The following ZNF385D variants were observed in gnomAD, a reference collection of about 807,000 sequenced individuals.
ZNF385D encodes the protein zinc finger protein 385D, also known as zinc finger protein 659.
A neutral mutation model predicts 35.8 loss-of-function variants in ZNF385D; 15 were observed. The observed-to-expected ratio is 0.42, with a 90% CI of 0.28 to 0.64. The LOEUF (loss-of-function observed/expected upper bound fraction) is 0.64. ZNF385D is among the 30% of genes least tolerant of loss of function. ZNF385D has a pLI of 0.23. For synonymous variants in ZNF385D, 212 were observed against 186.8 expected (o/e 1.13, Z -1.10); for missense variants, 474 against 494.6 (o/e 0.96, Z 0.39).
chr3:22,062,015 A>G (rs1699712635), intron 3 of ZNF385D, among the ~76,000 whole-genome samples: 1 of 152,154 alleles, frequency 6.6e-6, no homozygotes. Context: ...AATTTTAAAC[A>G]TGGAAATGCT....
At chr3:21,957,912 T>A in intron 3 of ZNF385D, among the ~76,000 whole-genome samples, 1 of 152,154 alleles carries the variant, frequency 6.6e-6, no homozygotes, top group East Asian at 1.9e-4. Context: ...GTTTCATCAA[T>A]GTACTAATGT....
At chr3:22,182,055 A>C (rs999754641) in intron 2 of ZNF385D, among the ~76,000 whole-genome samples, 4 of 152,006 alleles carry the variant, frequency 2.6e-5, no homozygotes, top group Non-Finnish European at 4.4e-5. Flanking sequence ...ATCCCTGCCT[A>C]TATCTTTATT....
chr3:22,307,517 T>C (rs188868187), intron 2 of ZNF385D, among the ~76,000 whole-genome samples: 1 of 152,248 alleles, frequency 6.6e-6, no homozygotes, highest in East Asian at 1.9e-4. Context: ...TAAGTACTTG[T>C]GTGTGTGCAC....
chr3:21,843,656 T>A (rs17009771), intron 3 of ZNF385D, among the ~76,000 whole-genome samples: 2 of 151,926 alleles, frequency 1.3e-5, no homozygotes, highest in African/African-American at 2.4e-5. Flanking sequence ...CAAGCAGTTA[T>A]CAATAGCAGG....
rs1341681630 is a variant in ZNF385D at position 22,264,480 on chromosome 3, A to G, written c.107-95445T>C. On this transcript the variant is annotated intron_variant, in intron 2 of 5. Transcript: ENST00000494108. ...TGCATGGGTCAGAGCCTAGAGGCTA[A>G]TAGCAGACAATACAGTGTGACCAAA... Among the ~76,000 whole-genome samples, 3 of 152,170 alleles carry G rather than the reference A, an allele frequency of 2.0e-5. No individual in the cohort carries two copies. In the East Asian group the frequency reaches 5.8e-4, roughly 30 times the overall value.
At chr3:22,251,581 T>A (rs1448312438) in intron 2 of ZNF385D, among the ~76,000 whole-genome samples, 1 of 152,118 alleles carries the variant, frequency 6.6e-6, no homozygotes, top group Non-Finnish European at 1.5e-5. Context: ...GTCTTGGGCT[T>A]TCTCCTGAGC....
At chr3:21,448,263 T>C (rs1302451044) in intron 4 of ZNF385D, among the ~76,000 whole-genome samples, 6 of 152,058 alleles carry the variant, frequency 3.9e-5, no homozygotes, top group Non-Finnish European at 8.8e-5. Flanking sequence ...GAAAAGGAAA[T>C]GAGAAAAATT....
At chr3:22,088,011 G>C (rs1315756286) in intron 3 of ZNF385D, among the ~76,000 whole-genome samples, 1 of 152,176 alleles carries the variant, frequency 6.6e-6, no homozygotes, top group Non-Finnish European at 1.5e-5. Flanking sequence ...GAATGTTAGT[G>C]ATCAGCTGTT....
At chr3:21,936,257 G>C (rs1211568501) in intron 3 of ZNF385D, among the ~76,000 whole-genome samples, 1 of 152,110 alleles carries the variant, frequency 6.6e-6, no homozygotes, top group African/African-American at 2.4e-5. Context: ...AGATGACATA[G>C]AGTTTAAAGA....
At chr3:21,714,216 C>G (rs2125424474) in intron 1 of ZNF385D, among the ~76,000 whole-genome samples, 1 of 152,220 alleles carries the variant, frequency 6.6e-6, no homozygotes, top group African/African-American at 2.4e-5. Context: ...GGCCTTCCGG[C>G]AGACCTTCCT....
intron 1 of ZNF385D, among the ~76,000 whole-genome samples, chr3:21,690,593 CTTT>C (rs1246125657): frequency 6.6e-6 from 1 of 152,162 alleles, no homozygotes; most frequent in African/African-American, 2.4e-5. Context: ...ACAGAGTCCT[CTTT>C]CTTTATCTTC....
At chr3:21,898,363 T>C (rs935184716) in intron 3 of ZNF385D, among the ~76,000 whole-genome samples, 1 of 152,156 alleles carries the variant, frequency 6.6e-6, no homozygotes, top group Non-Finnish European at 1.5e-5. Flanking sequence ...TATAGATACC[T>C]GAATTTGATT....
chr3:21,876,254 T>C (rs1226603925), intron 3 of ZNF385D, among the ~76,000 whole-genome samples: 2 of 150,944 alleles, frequency 1.3e-5, no homozygotes, highest in Non-Finnish European at 2.9e-5. Flanking sequence ...AACTTTTTAT[T>C]CCAAATCTGG....
intron 3 of ZNF385D, among the ~76,000 whole-genome samples, chr3:21,862,880 C>T (rs1424605655): frequency 6.6e-6 from 1 of 152,164 alleles, no homozygotes; most frequent in Admixed American, 6.5e-5. Flanking sequence ...CAAGTGGTCT[C>T]AGCTGTTTCA....
At chr3:21,682,867 C>T (rs145750508) in intron 1 of ZNF385D, among the ~76,000 whole-genome samples, 4 of 149,998 alleles carry the variant, frequency 2.7e-5, no homozygotes, top group Admixed American at 2.7e-4. Flanking sequence ...ATGGGCATAC[C>T]TATGTACCAG....
At chr3:22,159,806 A>G (rs1306104735) in intron 3 of ZNF385D, among the ~76,000 whole-genome samples, 1 of 152,100 alleles carries the variant, frequency 6.6e-6, no homozygotes, top group African/African-American at 2.4e-5. Context: ...GAACAATTTA[A>G]TATCTGCATT....
At chr3:22,039,406 C>A (rs1166202660) in intron 3 of ZNF385D, among the ~76,000 whole-genome samples, 3 of 152,064 alleles carry the variant, frequency 2.0e-5, no homozygotes, top group Non-Finnish European at 4.4e-5. Context: ...TCAACTAGTA[C>A]ATGGTAAATT....
chr3:22,359,831 A>T (rs1316247881), intron 2 of ZNF385D, among the ~76,000 whole-genome samples: 1 of 151,934 alleles, frequency 6.6e-6, no homozygotes, highest in Admixed American at 6.6e-5. Context: ...TGAATTTATA[A>T]TATCATTTAT....
intron 2 of ZNF385D, among the ~76,000 whole-genome samples, chr3:22,304,607 A>G (rs1703103354): frequency 6.6e-6 from 1 of 152,122 alleles, no homozygotes; most frequent in African/African-American, 2.4e-5. Context: ...TTTTTCCAGC[A>G]CCAATTTTGA....
Sources: gnomAD v4.1 joint callset for allele counts (sites outside exome capture counted in the v4.1 genomes callset) on GRCh38, gnomAD v4.1.1 for gene constraint, MANE v1.5 for transcripts, NCBI Gene and HGNC (gene_info 2026-07-23, HGNC 2026-07-21) for gene names.